GRID1: variants seen among roughly 807,000 people sequenced by gnomAD.
The protein encoded by GRID1 is glutamate receptor ionotropic, delta-1.
In GRID1, 28 loss-of-function variants were observed where a neutral mutation model predicts 98.0. The ratio of observed to expected loss-of-function variants is 0.29; its 90% CI spans 0.21 to 0.39. The LOEUF (loss-of-function observed/expected upper bound fraction) is 0.39, where lower values mean the gene tolerates loss of function less well. GRID1 is among the 10% of genes least tolerant of loss of function. The pLI, the probability that GRID1 is intolerant of heterozygous loss-of-function variation, is 1.00. For missense variants in GRID1, 1,111 were observed against 1,340.5 expected (o/e 0.83, Z 2.67); for synonymous variants, 553 against 538.5 (o/e 1.03, Z -0.37).
chr10:85,704,750 A>G (rs1841495497), intron 12 of GRID1, among the ~76,000 whole-genome samples: 1 of 152,240 alleles, frequency 6.6e-6, no homozygotes, highest in South Asian at 2.1e-4. Flanking sequence ...GTAAAAGAAC[A>G]GAAATTATAA....
intron 8 of GRID1, among the ~76,000 whole-genome samples, chr10:85,732,615 C>T (rs1841838344): frequency 6.6e-6 from 1 of 152,132 alleles, no homozygotes; most frequent in Non-Finnish European, 1.5e-5. Flanking sequence ...CACCTCAGTC[C>T]CCCTAGACCT....
At chr10:86,127,468 T>G (rs1844771073) in intron 4 of GRID1, among the ~76,000 whole-genome samples, 1 of 152,178 alleles carries the variant, frequency 6.6e-6, no homozygotes, top group South Asian at 2.1e-4. Flanking sequence ...ACAGCCCAGA[T>G]GGGAGGTGCC....
At chr10:85,989,317 G>C (rs1262803629) in intron 4 of GRID1, among the ~76,000 whole-genome samples, 1 of 152,236 alleles carries the variant, frequency 6.6e-6, no homozygotes, top group Non-Finnish European at 1.5e-5. Flanking sequence ...GCTCCAAAAT[G>C]TCAAAGCATC....
intron 8 of GRID1, among the ~76,000 whole-genome samples, chr10:85,770,729 T>A (rs1042231533): frequency 2.6e-5 from 4 of 151,988 alleles, no homozygotes; most frequent in Admixed American, 1.3e-4. Flanking sequence ...GTATCAGTGA[T>A]GGAAGATGAA....
chr10:86,126,361 A>G (rs1844753662), intron 4 of GRID1, among the ~76,000 whole-genome samples: 1 of 152,212 alleles, frequency 6.6e-6, no homozygotes, highest in African/African-American at 2.4e-5. Flanking sequence ...AGGCTGAGGC[A>G]GAGAATTGCT....
intron 12 of GRID1, among the ~76,000 whole-genome samples, chr10:85,704,275 T>G (rs1286040661): frequency 6.6e-6 from 1 of 152,066 alleles, no homozygotes; most frequent in African/African-American, 2.4e-5. Flanking sequence ...TGGAGAAGGA[T>G]CTACCAAGCA....
intron 8 of GRID1, among the ~76,000 whole-genome samples, chr10:85,822,070 A>C (rs1054758683): frequency 6.6e-6 from 1 of 152,206 alleles, no homozygotes; most frequent in African/African-American, 2.4e-5. Flanking sequence ...GTTAGACCTA[A>C]AACCATAAAA....
At chr10:85,706,532 C>G (rs1841520642) in intron 12 of GRID1, among the ~76,000 whole-genome samples, 2 of 152,270 alleles carry the variant, frequency 1.3e-5, no homozygotes, top group East Asian at 3.9e-4. Context: ...AATGGCCATA[C>G]TGCCCAAGGT....
At chr10:85,639,917 G>A (rs1843095106) in intron 13 of GRID1, among the ~76,000 whole-genome samples, 1 of 152,160 alleles carries the variant, frequency 6.6e-6, no homozygotes, top group Admixed American at 6.5e-5. Flanking sequence ...TATAGTAGAT[G>A]CTAAGATAGT....
At chr10:86,291,363 G>A (rs1847509732) in intron 2 of GRID1, among the ~76,000 whole-genome samples, 1 of 152,230 alleles carries the variant, frequency 6.6e-6, no homozygotes, top group African/African-American at 2.4e-5. Flanking sequence ...GACCAGGCTA[G>A]AGGAAGGGAA....
chr10:86,178,949 C>T (rs1009655668), intron 3 of GRID1, among the ~76,000 whole-genome samples: 1 of 152,154 alleles, frequency 6.6e-6, no homozygotes, highest in Non-Finnish European at 1.5e-5. Flanking sequence ...CTGGTTTACC[C>T]TCAGGCCTTG....
chr10:85,793,458 A>G (rs531514385), intron 8 of GRID1, among the ~76,000 whole-genome samples: 5 of 152,328 alleles, frequency 3.3e-5, no homozygotes, highest in East Asian at 3.9e-4. Flanking sequence ...GACAAAGACC[A>G]TATTTCTTAC....
chr10:85,619,785 C>G, intron 14 of GRID1, 82 bp downstream of exon 14: 2 of 1,080,756 alleles, frequency 1.9e-6, no homozygotes, highest in Non-Finnish European at 2.7e-6. Context: ...TGCATTGGCT[C>G]TTATCTTCTA....
At chr10:85,768,118 A>C (rs1200697610) in intron 8 of GRID1, among the ~76,000 whole-genome samples, 1 of 152,196 alleles carries the variant, frequency 6.6e-6, no homozygotes, top group Non-Finnish European at 1.5e-5. Context: ...GATTAAAAGG[A>C]AATGAAAGCT....
rs147068731 is a variant in GRID1 at position 86,281,703 on chromosome 10, TG to T, written c.236-75056del. 4.7e-3 allele frequency among the ~76,000 whole-genome samples: 718 copies of T among 152,210 alleles called. 7 individuals carry two copies. Among genetic ancestry groups the T allele is most frequent in the African/African-American group, 0.017 (688 of 41,530 alleles). On this transcript the variant is annotated intron_variant, in intron 2 of 15. Coordinates refer to ENST00000327946, the MANE Select transcript of GRID1 (RefSeq NM_017551.3). ...TAGGACAGTAGTCCTAGGCCTTCAT[TG>T]GGCATCAGGATCAGCTGGGGAGGTT...
intron 3 of GRID1, among the ~76,000 whole-genome samples, chr10:86,140,007 G>A (rs1844988609): frequency 6.6e-6 from 1 of 152,210 alleles, no homozygotes; most frequent in South Asian, 2.1e-4. Context: ...GTGAGACACG[G>A]TCCTGACAAT....
In GRID1 at chr10:86,326,046, TA is replaced by T. The variant is rs538461075; in HGVS notation, c.235+37894del. ...AAGAGTTCAGCAAAACTCAAGGATA[TA>T]AAATCAATATGCAAAAATCAATAGC... On this transcript the variant is annotated intron_variant, in intron 2 of 15. Transcript: ENST00000327946. 1.1e-3 allele frequency among the ~76,000 whole-genome samples: 166 copies of T among 152,306 alleles called. 1 individual carries two copies. The highest frequency in any genetic ancestry group is 1.7e-3 in the Non-Finnish European group (118 of 68,016).
chr10:85,775,665 C>T (rs1482555155), intron 8 of GRID1, among the ~76,000 whole-genome samples: 3 of 152,078 alleles, frequency 2.0e-5, no homozygotes, highest in Admixed American at 1.3e-4. Flanking sequence ...AAGAAACCTG[C>T]ACCTATACCC....
intron 6 of GRID1, among the ~76,000 whole-genome samples, chr10:85,860,347 A>C (rs1229044511): frequency 1.3e-5 from 2 of 152,212 alleles, no homozygotes; most frequent in African/African-American, 2.4e-5. Flanking sequence ...GGTAAGAGTA[A>C]ATTTGAGAAG....
Sources: allele counts gnomAD v4.1 joint callset (sites outside exome capture counted in the v4.1 genomes callset), GRCh38; gene constraint gnomAD v4.1.1; transcripts MANE v1.5; gene names NCBI Gene and HGNC (gene_info 2026-07-23, HGNC 2026-07-21).